The following PIP4P2 variants were observed in gnomAD, a reference collection of about 807,000 sequenced individuals.
PIP4P2 encodes phosphatidylinositol-4,5-bisphosphate 4-phosphatase 2.
In PIP4P2, 19 loss-of-function variants were observed where a neutral mutation model predicts 33.3. The ratio of observed to expected loss-of-function variants is 0.57; its 90% confidence interval spans 0.40 to 0.84. The LOEUF (loss-of-function observed/expected upper bound fraction) is 0.84. Among genes scored for constraint, PIP4P2 ranks in the 40% least tolerant of loss-of-function variants. The pLI, the probability that PIP4P2 is intolerant of heterozygous loss-of-function variation, is 0.00. For missense variants in PIP4P2, 270 were observed against 324.7 expected (o/e 0.83, Z 1.29); for synonymous variants, 110 against 111.9 (o/e 0.98, Z 0.11).
At chr8:91,034,994 A>G (rs1812216692) in intron 1 of PIP4P2, among the ~76,000 whole-genome samples, 1 of 152,240 alleles carries the variant, frequency 6.6e-6, no homozygotes, top group South Asian at 2.1e-4. Context: ...GGTATAGGAC[A>G]TGAGAGTCAC....
intron 3 of PIP4P2, among the ~76,000 whole-genome samples, chr8:91,019,564 CAAA>C (rs200004748): frequency 7.0e-5 from 8 of 113,728 alleles, no homozygotes; most frequent in East Asian, 2.4e-4. Flanking sequence ...GACTCTGTCT[CAAA>C]AAAAAAAAAA....
intron 5 of PIP4P2, among the ~76,000 whole-genome samples, chr8:91,004,192 C>T (rs1385878587): frequency 6.6e-6 from 1 of 152,152 alleles, no homozygotes. Context: ...GGAGGAAGGT[C>T]TGCGGAGCTG....
At chr8:91,022,214 A>T (rs533878742) in intron 1 of PIP4P2, among the ~76,000 whole-genome samples, 1 of 152,310 alleles carries the variant, frequency 6.6e-6, no homozygotes, top group South Asian at 2.1e-4. Context: ...ATATAATGAC[A>T]TGGAAGGTCA....
At chr8:91,035,203 C>T (rs1234973308) in intron 1 of PIP4P2, among the ~76,000 whole-genome samples, 5 of 152,120 alleles carry the variant, frequency 3.3e-5, no homozygotes, top group African/African-American at 7.2e-5. Context: ...ATGACAATTA[C>T]GCTTCATAGA....
At chr8:91,003,651 T>C (rs1212082429) in intron 5 of PIP4P2, among the ~76,000 whole-genome samples, 1 of 152,040 alleles carries the variant, frequency 6.6e-6, no homozygotes, top group Non-Finnish European at 1.5e-5. Flanking sequence ...CTAGGCTAGA[T>C]AGTGAATAGA....
intron 5 of PIP4P2, among the ~76,000 whole-genome samples, chr8:90,998,849 G>A (rs1390880284): frequency 6.6e-6 from 1 of 151,962 alleles, no homozygotes; most frequent in Non-Finnish European, 1.5e-5. Flanking sequence ...ATGCCATTCT[G>A]GATATAGGAA....
intron 5 of PIP4P2, among the ~76,000 whole-genome samples, chr8:91,003,760 G>A (rs935537310): frequency 2.0e-5 from 3 of 151,976 alleles, no homozygotes; most frequent in African/African-American, 4.8e-5. Context: ...GATAAAGTGC[G>A]GTCAAGTTCC....
chr8:91,040,219 G>A (rs1381323622), intron 1 of PIP4P2, among the ~76,000 whole-genome samples: 1 of 152,192 alleles, frequency 6.6e-6, no homozygotes, highest in Non-Finnish European at 1.5e-5. Flanking sequence ...GCCAAGGTGA[G>A]CAATACTCCT....
chr8:91,040,388 A>ACAACATCACCAC (rs1239746740), intron 1 of PIP4P2, among the ~76,000 whole-genome samples: 30 of 149,842 alleles, frequency 2.0e-4, no homozygotes, highest in Middle Eastern at 3.4e-3. Flanking sequence ...ATACACACAC[A>ACAACATCACCAC]CACCATCACC....
At chr8:91,014,796 CG>C (rs1214305847) in intron 4 of PIP4P2, among the ~76,000 whole-genome samples, 2 of 149,350 alleles carry the variant, frequency 1.3e-5, no homozygotes, top group African/African-American at 5.1e-5. Flanking sequence ...CACACACACA[CG>C]ATAACTATAT....
At chr8:91,021,481 T>C (rs1426674251) in intron 1 of PIP4P2, 77 bp from the exon 2 acceptor site, 7 of 1,452,472 alleles carry the variant, frequency 4.8e-6, no homozygotes, top group African/African-American at 1.4e-5. Flanking sequence ...GCAATATAAG[T>C]AAAGAAGAAA....
intron 1 of PIP4P2, among the ~76,000 whole-genome samples, chr8:91,023,285 C>A (rs1040997308): frequency 6.6e-6 from 1 of 151,732 alleles, no homozygotes; most frequent in Non-Finnish European, 1.5e-5. Flanking sequence ...TTACATAGTT[C>A]TCTCGTAATC....
chr8:91,018,251 T>C (rs1202187894), intron 4 of PIP4P2, 139 bp downstream of exon 4: 3 of 1,342,880 alleles, frequency 2.2e-6, no homozygotes, highest in African/African-American at 2.9e-5. Flanking sequence ...GCACTTCTGA[T>C]TGTCTGCCTA....
chr8:91,008,909 C>G, intron 4 of PIP4P2, 114 bp from the exon 5 acceptor site: 1 of 801,666 alleles, frequency 1.2e-6, no homozygotes, highest in Non-Finnish European at 1.9e-6. Context: ...AAGCAATCAC[C>G]TTCTCACGGT....
At chr8:91,006,576 C>T (rs10956787) in intron 5 of PIP4P2, among the ~76,000 whole-genome samples, 1 of 152,208 alleles carries the variant, frequency 6.6e-6, no homozygotes, top group African/African-American at 2.4e-5. Flanking sequence ...TTACAAAAAT[C>T]ATCCCTGTAT....
Position 91,020,233 on chromosome 8 carries a change from A to G in PIP4P2, c.286T>C (p.Tyr96His). 6.2e-7 allele frequency: 1 copy of G among 1,613,776 alleles called. No homozygotes were observed. The highest frequency in any genetic ancestry group is 8.5e-7 in the Non-Finnish European group (1 of 1,179,802). The change falls in exon 3 of 7, where the codon TAT (tyrosine) becomes CAT (histidine). Residue 96 changes from tyrosine to histidine, a missense_variant. Tyr to His is a moderately conservative substitution (Grantham distance 83, BLOSUM62 2). Coordinates refer to ENST00000285419, the MANE Select transcript of PIP4P2 (RefSeq NM_018710.3). ...PIKNPPTGKK[Y>H]VRCPCNCLLI... is the part of the protein sequence containing the mutation. ...AGACAATTACAAGGGCATCTAACAT[A>G]TTTCTTGCCTGTTGGGGGGTTTTTG...
intron 1 of PIP4P2, among the ~76,000 whole-genome samples, chr8:91,034,971 T>A (rs1311255979): frequency 6.6e-6 from 1 of 152,200 alleles, no homozygotes; most frequent in Non-Finnish European, 1.5e-5. Context: ...ATCTCTAACC[T>A]TAGATTTCTC....
intron 4 of PIP4P2, among the ~76,000 whole-genome samples, chr8:91,015,026 G>C (rs1297633089): frequency 6.6e-6 from 1 of 152,098 alleles, no homozygotes; most frequent in African/African-American, 2.4e-5. Flanking sequence ...TTATTCTGTA[G>C]AGAAATTGGA....
rs1811597935 is a variant in PIP4P2 at position 90,994,182 on chromosome 8, A to G, written c.*1495T>C. On this transcript the variant is annotated 3_prime_UTR_variant, in exon 7 of 7. Transcript: ENST00000285419. ...ATAAATGAATATTATATAAAGAAAC[A>G]GGTACATTCCTAAACATGAAAACTT... 6.6e-6 allele frequency: 1 copy of G among 152,152 alleles called. No individual in the cohort carries two copies. The highest frequency in any genetic ancestry group is 1.5e-5 in the Non-Finnish European group (1 of 67,966). The allele number at this position is 152,152 out of a possible 1,614,324, so 9.4% of individuals were successfully genotyped here.
Sources: gnomAD v4.1 joint callset for allele counts (sites outside exome capture counted in the v4.1 genomes callset) on GRCh38, gnomAD v4.1.1 for gene constraint, MANE v1.5 for transcripts, NCBI Gene and HGNC (gene_info 2026-07-23, HGNC 2026-07-21) for gene names.